PCNX1: variants seen among roughly 807,000 people sequenced by gnomAD.
PCNX1 encodes the protein pecanex-like protein 1.
A neutral mutation model predicts 242.2 loss-of-function variants in PCNX1; 78 were observed. The observed-to-expected ratio is 0.32, with a 90% CI of 0.27 to 0.39. The LOEUF (loss-of-function observed/expected upper bound fraction) is 0.39. Ranked by LOEUF, PCNX1 falls within the 10% of genes least tolerant of loss-of-function variation. The probability of loss-of-function intolerance (pLI) is 1.00; values close to 1 mark genes in which losing one functional copy is unlikely to be tolerated. For synonymous variants in PCNX1, 1,024 were observed against 1,032.9 expected, an observed-to-expected ratio of 0.99 and a Z score of 0.17; for missense variants, 2,581 against 2,856.5, an observed-to-expected ratio of 0.90 and a Z score of 2.20.
chr14:70,999,552 C>G (rs111826979), intron 8 of PCNX1, among the ~76,000 whole-genome samples: 3 of 152,046 alleles, frequency 2.0e-5, no homozygotes, highest in African/African-American at 7.2e-5. Flanking sequence ...CTTAATGTAT[C>G]TGATTTTTAA....
chr14:71,089,066 A>G (rs2062064487), intron 29 of PCNX1, 126 bp from the exon 30 acceptor site: 4 of 686,688 alleles, frequency 5.8e-6, no homozygotes, highest in Non-Finnish European at 7.2e-6. Context: ...GGGTTCTGAC[A>G]TTAGTTCCTG....
At chr14:71,082,796 A>G (rs527260194) in intron 28 of PCNX1, among the ~76,000 whole-genome samples, 11 of 152,178 alleles carry the variant, frequency 7.2e-5, no homozygotes, top group Middle Eastern at 3.4e-3. Context: ...TCTTGGCTCT[A>G]TCCAGTTTGC....
At chr14:70,957,078 CT>C (rs1180904573) in intron 2 of PCNX1, among the ~76,000 whole-genome samples, 2 of 152,176 alleles carry the variant, frequency 1.3e-5, no homozygotes, top group Non-Finnish European at 2.9e-5. Flanking sequence ...TCACTGCAGC[CT>C]TTACCTCCCG....
chr14:71,067,749 A>G (rs1330788838), intron 26 of PCNX1, among the ~76,000 whole-genome samples: 1 of 152,178 alleles, frequency 6.6e-6, no homozygotes, highest in Non-Finnish European at 1.5e-5. Context: ...ACTTAGTGCT[A>G]TAAATTTCTC....
chr14:71,008,381 G>T (rs1406497886), intron 8 of PCNX1, among the ~76,000 whole-genome samples: 1 of 152,086 alleles, frequency 6.6e-6, no homozygotes, highest in Non-Finnish European at 1.5e-5. Flanking sequence ...TTTTGGCCGG[G>T]CGCAGTGGCT....
At chr14:70,959,601 T>A (rs1426287678) in intron 2 of PCNX1, among the ~76,000 whole-genome samples, 1 of 151,662 alleles carries the variant, frequency 6.6e-6, no homozygotes, top group African/African-American at 2.4e-5. Flanking sequence ...GGTGTATATG[T>A]GCCACATTTT....
intron 10 of PCNX1, chr14:71,012,775 T>G (rs1351510090): frequency 2.1e-6 from 1 of 473,330 alleles, no homozygotes; most frequent in African/African-American, 2.1e-5. Context: ...GAGGTTGCAG[T>G]GAGCCGAGAT....
At chr14:71,039,622 C>T (rs893522564) in intron 19 of PCNX1, among the ~76,000 whole-genome samples, 1 of 152,172 alleles carries the variant, frequency 6.6e-6, no homozygotes, top group African/African-American at 2.4e-5. Flanking sequence ...AGAATATACT[C>T]AAGTACAAAA....
chr14:70,919,052 T>A (rs1594891558), intron 1 of PCNX1, among the ~76,000 whole-genome samples: 2 of 152,218 alleles, frequency 1.3e-5, no homozygotes, highest in Admixed American at 1.3e-4. Context: ...AGCTACTTTT[T>A]AAAATTTTTT....
At chr14:70,998,601 A>G (rs1215071491) in intron 8 of PCNX1, among the ~76,000 whole-genome samples, 1 of 151,908 alleles carries the variant, frequency 6.6e-6, no homozygotes, top group Non-Finnish European at 1.5e-5. Flanking sequence ...AAATACAAAA[A>G]ATAGCCTGGC....
At chr14:70,910,325 G>T (rs1219403179) in intron 1 of PCNX1, among the ~76,000 whole-genome samples, 3 of 148,618 alleles carry the variant, frequency 2.0e-5, no homozygotes, top group African/African-American at 7.5e-5. Flanking sequence ...ACTTTAATGA[G>T]GTTCAATGCT....
At chr14:70,921,120 G>A (rs1362610928) in intron 1 of PCNX1, among the ~76,000 whole-genome samples, 1 of 151,794 alleles carries the variant, frequency 6.6e-6, no homozygotes, top group Non-Finnish European at 1.5e-5. Flanking sequence ...TAACATTCTT[G>A]GTATGTATCT....
intron 10 of PCNX1, 87 bp from the exon 11 acceptor site, chr14:71,012,898 T>C (rs2059862595): frequency 2.3e-6 from 2 of 878,268 alleles, no homozygotes; most frequent in Admixed American, 3.8e-5. Context: ...GAGTAACTGT[T>C]GAATTATGAA....
At chr14:71,041,173 T>A (rs560119336) in intron 19 of PCNX1, among the ~76,000 whole-genome samples, 14 of 152,268 alleles carry the variant, frequency 9.2e-5, no homozygotes, top group African/African-American at 3.4e-4. Context: ...TTGATTTCCT[T>A]TCTTTTGAGT....
At position 70,931,299 on chromosome 14, in the gene PCNX1, G is replaced by A. The variant is rs1276723934; in HGVS notation, c.154-15616G>A. On this transcript the variant is annotated intron_variant, in intron 1 of 35. Transcript: ENST00000304743. ...ACCAGTAAAAAAGCTAAAACTTGAGGCCAATTGGCCATCTTAAGAGCTTTA... is the reference window on the plus strand; with the variant it reads ...ACCAGTAAAAAAGCTAAAACTTGAGACCAATTGGCCATCTTAAGAGCTTTA... Among the ~76,000 whole-genome samples the A allele has an allele frequency of 2.6e-5, 4 of 152,104 alleles. No homozygotes were observed. The South Asian group carries it at 6.2e-4, about 24-fold the overall frequency.
intron 16 of PCNX1, 84 bp downstream of exon 16, chr14:71,028,875 C>G: frequency 1.3e-6 from 1 of 741,042 alleles, no homozygotes; most frequent in African/African-American, 1.8e-5. Flanking sequence ...ATAATGATTT[C>G]TTCCCCTGGT....
At chr14:71,087,917 GCCAC>G (rs2062033955) in intron 28 of PCNX1, among the ~76,000 whole-genome samples, 1 of 151,958 alleles carries the variant, frequency 6.6e-6, no homozygotes, top group Non-Finnish European at 1.5e-5. Context: ...TAACTCACCT[GCCAC>G]TGATAGCCTG....
Position 71,112,010 on chromosome 14 carries a change from A to C in PCNX1, c.*2075A>C, listed in dbSNP as rs191889747. ...TTTTCTGAAACTGAATTTATAATCT[A>C]TTTCTCTGTATACGTATATTTTTAA... On this transcript the variant is annotated 3_prime_UTR_variant, in exon 36 of 36. Transcript: ENST00000304743. 6.6e-6 allele frequency: 1 copy of C among 152,344 alleles called. No homozygotes were observed. Among genetic ancestry groups the C allele is most frequent in the African/African-American group, 2.4e-5 (1 of 41,382 alleles). 9.4% of individuals were successfully genotyped at this position (152,344 alleles called of 1,614,324 possible).
At chr14:71,107,836 T>C (rs1485652653) in intron 33 of PCNX1, among the ~76,000 whole-genome samples, 1 of 152,220 alleles carries the variant, frequency 6.6e-6, no homozygotes, top group Non-Finnish European at 1.5e-5. Context: ...AATATTTCTT[T>C]TTAACTGGCA....
Sources: gnomAD v4.1 joint callset for allele counts (sites outside exome capture counted in the v4.1 genomes callset) on GRCh38, gnomAD v4.1.1 for gene constraint, MANE v1.5 for transcripts, NCBI Gene and HGNC (gene_info 2026-07-23, HGNC 2026-07-21) for gene names.